The following PLA2R1 variants were observed in gnomAD, a reference collection of about 807,000 sequenced individuals.
The protein encoded by PLA2R1 is secretory phospholipase A2 receptor.
A neutral mutation model predicts 195.9 loss-of-function variants in PLA2R1; 158 were observed. That is an observed-to-expected ratio of 0.81 (90% CI 0.71 to 0.92). The LOEUF is 0.92. PLA2R1 is among the 40% of genes least tolerant of loss of function. PLA2R1 has a pLI of 0.00. For missense variants in PLA2R1, 1,626 were observed against 1,764.6 expected, an observed-to-expected ratio of 0.92 and a Z score of 1.41; for synonymous variants, 586 against 598.2, an observed-to-expected ratio of 0.98 and a Z score of 0.30.
Position 159,938,787 on chromosome 2 carries a change from G to A in PLA2R1, c.*2991C>T, listed in dbSNP as rs1686949072. On this transcript the variant is annotated 3_prime_UTR_variant, in exon 30 of 30. Coordinates refer to ENST00000283243, the MANE Select transcript of PLA2R1 (RefSeq NM_007366.5). ...ATATATCCAACCACCATTTTGAGAA[G>A]AGTAAAGAAACTCCAAAAGACTGAA... 6.6e-6 allele frequency: 1 copy of A among 152,152 alleles called. No individual in the cohort carries two copies. 9.4% of individuals were successfully genotyped at this position (152,152 alleles called of 1,614,324 possible).
chr2:159,942,240 A>G (rs1357531066), intron 28 of PLA2R1, 81 bp from the exon 29 acceptor site: 6 of 1,028,802 alleles, frequency 5.8e-6, no homozygotes, highest in Non-Finnish European at 9.1e-6. Flanking sequence ...AGGGATCAGC[A>G]AACTATGGCC....
chr2:159,969,175 A>T lies in PLA2R1; in HGVS notation c.2764+81T>A, dbSNP rs2105234641. ...GAAATAAACAGAAACTTCTCATGGA[A>T]ATGATGCAAGGAAAAGACTTTAAGC... is the stretch of plus-strand genomic sequence containing the variant. On this transcript the variant is annotated intron_variant, in intron 19 of 29. Coordinates refer to ENST00000283243, the MANE Select transcript of PLA2R1 (RefSeq NM_007366.5). 5.7e-6 allele frequency: 4 copies of T among 701,492 alleles called. No individual in the cohort carries two copies. The East Asian group carries it at 1.1e-4, about 19-fold the overall frequency. 43.5% of individuals were successfully genotyped at this position (701,492 alleles called of 1,614,324 possible).
At chr2:159,961,927 AATC>A (rs1329812335) in intron 20 of PLA2R1, among the ~76,000 whole-genome samples, 9 of 152,242 alleles carry the variant, frequency 5.9e-5, no homozygotes, top group Non-Finnish European at 1.2e-4. Context: ...ATCCTCTTTT[AATC>A]CTAGAAGAAA....
rs1574633616 is a variant in PLA2R1, at chr2:159,941,732, T to A, written c.*46A>T. ...AAAGACAGATGAGACTCCTGTTTAG[T>A]CTTCTTTACTTACCCTGGTGTCTGT... is the stretch of plus-strand genomic sequence containing the variant. On this transcript the variant is annotated 3_prime_UTR_variant, in exon 30 of 30. Coordinates refer to ENST00000283243, the MANE Select transcript of PLA2R1 (RefSeq NM_007366.5). The A allele has an allele frequency of 2.0e-6, 2 of 1,017,652 alleles. No homozygotes were observed. 63.0% of individuals were successfully genotyped at this position (1,017,652 alleles called of 1,614,324 possible).
At chr2:160,043,392 CG>C (rs1558998086) in intron 2 of PLA2R1, among the ~76,000 whole-genome samples, 1 of 152,012 alleles carries the variant, frequency 6.6e-6, no homozygotes, top group Non-Finnish European at 1.5e-5. Flanking sequence ...TTGCAATACT[CG>C]GCCATTCTTG....
At chr2:159,958,559 T>C (rs1390706475) in intron 20 of PLA2R1, among the ~76,000 whole-genome samples, 4 of 152,084 alleles carry the variant, frequency 2.6e-5, no homozygotes, top group African/African-American at 9.7e-5. Context: ...GCAGAGAGAC[T>C]AAGTCTTACT....
Position 159,940,964 on chromosome 2 carries a change from A to G in PLA2R1, c.*814T>C, listed in dbSNP as rs1687057752. The stretch of plus-strand genomic sequence containing the variant: ...TTATTTTATATATTTAGTTTTTCAG[A>G]AAGTCCATGAGTTTTAACAGTACAA... On this transcript the variant is annotated 3_prime_UTR_variant, in exon 30 of 30. Transcript: ENST00000283243. The G allele has an allele frequency of 6.6e-6, 1 of 152,180 alleles. No individual in the cohort carries two copies. Among genetic ancestry groups the G allele is most frequent in the Admixed American group, 6.5e-5 (1 of 15,280 alleles). 9.4% of individuals were successfully genotyped at this position (152,180 alleles called of 1,614,324 possible). A position where few individuals can be genotyped will look rare whatever the true frequency, so the allele number is the denominator to read the frequency against.
At chr2:159,988,783 C>T (rs2105327187) in intron 11 of PLA2R1, among the ~76,000 whole-genome samples, 1 of 152,246 alleles carries the variant, frequency 6.6e-6, no homozygotes, top group Non-Finnish European at 1.5e-5. Flanking sequence ...TTGTGCTTGT[C>T]ATCTATGTTC....
rs1219552581 is a variant in PLA2R1, at chr2:159,939,821, T to C, written c.*1957A>G. The C allele has an allele frequency of 6.6e-6, 1 of 152,220 alleles. No homozygotes were observed. Among genetic ancestry groups the C allele is most frequent in the African/African-American group, 2.4e-5 (1 of 41,442 alleles). 9.4% of individuals were successfully genotyped at this position (152,220 alleles called of 1,614,324 possible). A position where few individuals can be genotyped will look rare whatever the true frequency, so the allele number is the denominator to read the frequency against. The stretch of plus-strand genomic sequence containing the variant: ...CCAAGTCCATTGAAAAGAACAGAAC[T>C]TTAATTCCACTCAAAAGATGGTTAA... On this transcript the variant is annotated 3_prime_UTR_variant, in exon 30 of 30. Transcript: ENST00000283243.
intron 1 of PLA2R1, among the ~76,000 whole-genome samples, chr2:160,055,139 G>C (rs936374674): frequency 6.6e-6 from 1 of 152,194 alleles, no homozygotes. Flanking sequence ...AAAAGAGTTA[G>C]AGGCTTAACA....
At chr2:160,005,303 C>T (rs1420016680) in intron 11 of PLA2R1, among the ~76,000 whole-genome samples, 2 of 151,164 alleles carry the variant, frequency 1.3e-5, no homozygotes, top group East Asian at 1.9e-4. Flanking sequence ...GGTGTGGTGG[C>T]GCATGCCTGT....
intron 11 of PLA2R1, among the ~76,000 whole-genome samples, chr2:159,996,011 T>C (rs1037159708): frequency 6.6e-6 from 1 of 152,106 alleles, no homozygotes; most frequent in Non-Finnish European, 1.5e-5. Context: ...TATCTATCTA[T>C]CTCACCTATG....
At chr2:159,928,805 C>T (rs1271830386), downstream of PLA2R1, among the ~76,000 whole-genome samples, 1 of 152,146 alleles carries the variant, frequency 6.6e-6, no homozygotes, top group East Asian at 1.9e-4. Context: ...AAAATAGTCA[C>T]ATAGACCAAT....
chr2:160,014,002 G>T (rs1395139165), intron 9 of PLA2R1, among the ~76,000 whole-genome samples: 1 of 152,008 alleles, frequency 6.6e-6, no homozygotes, highest in Non-Finnish European at 1.5e-5. Context: ...AAGAGAACAT[G>T]AACAAAGAGA....
At chr2:159,977,902 C>G (rs1030145102) in intron 14 of PLA2R1, among the ~76,000 whole-genome samples, 4 of 151,934 alleles carry the variant, frequency 2.6e-5, no homozygotes, top group African/African-American at 9.7e-5. Flanking sequence ...TGCACTCCAG[C>G]CTGGGTGACA....
intron 10 of PLA2R1, among the ~76,000 whole-genome samples, chr2:160,006,137 G>A (rs1346337309): frequency 6.6e-6 from 1 of 152,160 alleles, no homozygotes; most frequent in Non-Finnish European, 1.5e-5. Context: ...TGCATTTCTT[G>A]GAGTACGATG....
intron 1 of PLA2R1, among the ~76,000 whole-genome samples, chr2:160,045,817 C>A (rs1457334072): frequency 6.6e-6 from 1 of 152,126 alleles, no homozygotes; most frequent in Non-Finnish European, 1.5e-5. Flanking sequence ...CAGGTAGATG[C>A]CCAGGCCACT....
chr2:159,964,366 G>C (rs1035395529), intron 20 of PLA2R1, among the ~76,000 whole-genome samples: 12 of 152,204 alleles, frequency 7.9e-5, no homozygotes, highest in African/African-American at 2.9e-4. Flanking sequence ...ACTCAATAAT[G>C]GTTAAAATGG....
chr2:160,059,919 C>T (rs574436062), intron 1 of PLA2R1, among the ~76,000 whole-genome samples: 1 of 152,294 alleles, frequency 6.6e-6, no homozygotes, highest in African/African-American at 2.4e-5. Context: ...CCCCCTGGGT[C>T]CCTCCCACAA....
Sources: allele counts gnomAD v4.1 joint callset (sites outside exome capture counted in the v4.1 genomes callset), GRCh38; gene constraint gnomAD v4.1.1; transcripts MANE v1.5; gene names NCBI Gene and HGNC (gene_info 2026-07-23, HGNC 2026-07-21).